The following GATA4 variants were observed in gnomAD, a reference collection of about 807,000 sequenced individuals.
GATA4 encodes GATA binding protein 4.
Under a neutral mutation model 37.9 loss-of-function variants are expected in GATA4, and 7 were observed. The observed-to-expected ratio is 0.18, with a 90% CI of 0.11 to 0.35. The LOEUF is 0.35. Among genes scored for constraint, GATA4 ranks in the 10% least tolerant of loss-of-function variants. GATA4 has a pLI of 1.00. For synonymous variants in GATA4, 372 were observed against 292.6 expected, an observed-to-expected ratio of 1.27 and a Z score of -2.77; for missense variants, 647 against 653.0, an observed-to-expected ratio of 0.99 and a Z score of 0.10.
At chr8:11,726,160 G>A (rs1216836025) in intron 2 of GATA4, among the ~76,000 whole-genome samples, 3 of 152,198 alleles carry the variant, frequency 2.0e-5, no homozygotes, top group South Asian at 2.1e-4. Flanking sequence ...GAAGCATTTG[G>A]CAGCTTTGGC....
chr8:11,758,492 C>T lies in GATA4; in HGVS notation c.*17C>T, dbSNP rs1433759618. 8 of 1,613,738 alleles carry T rather than the reference C, an allele frequency of 5.0e-6. No homozygotes were observed. The highest frequency in any genetic ancestry group is 2.7e-5 in the African/African-American group (2 of 75,042). On this transcript the variant is annotated 3_prime_UTR_variant, in exon 7 of 7. Coordinates refer to ENST00000532059, the MANE Select transcript of GATA4 (RefSeq NM_001308093.3). ...ACTGCGTAATCTTCCCTCTTCCCTC[C>T]TCAAATTCCTGCACGGACCTGGGAC...
chr8:11,694,691 C>A, intron 1 of GATA4: 1 of 199,468 alleles, frequency 5.0e-6, no homozygotes, highest in Non-Finnish European at 9.0e-6. Flanking sequence ...ATTTTAAATT[C>A]AAATTCAAAT....
chr8:11,692,113 C>T (rs184503938), upstream of GATA4: 22 of 880,274 alleles, frequency 2.5e-5, no homozygotes, highest in Admixed American at 1.1e-3. Flanking sequence ...CAGGCAGGAG[C>T]TCGGGCCACC....
chr8:11,695,072 G>A (rs956908703), intron 1 of GATA4, among the ~76,000 whole-genome samples: 6 of 152,152 alleles, frequency 3.9e-5, no homozygotes, highest in Admixed American at 2.0e-4. Flanking sequence ...TGTGAACATC[G>A]TGACCTGCAA....
chr8:11,750,223 T>A lies in GATA4; in HGVS notation c.899T>A (p.Met300Lys), dbSNP rs1421838861. ...EPVCNACGLY[M>K]KLHGVPRPLA... ...GTGTGCAATGCCTGCGGCCTCTACA[T>A]GAAGCTCCACGGGGTACGTGGGTCC... Residue 300 changes from methionine to lysine, a missense_variant, in exon 4 of 7, where the codon ATG (methionine) becomes AAG (lysine). Met to Lys is a moderately conservative substitution (Grantham distance 95). Around this residue, in one of 5 missense-constraint regions of GATA4, gnomAD observed 21 missense variants for 62.6 expected, o/e 0.34. Coordinates refer to ENST00000532059, the MANE Select transcript of GATA4 (RefSeq NM_001308093.3). The A allele has an allele frequency of 6.2e-7, 1 of 1,613,110 alleles. No homozygotes were observed. The highest frequency in any genetic ancestry group is 8.5e-7 in the Non-Finnish European group (1 of 1,180,050).
chr8:11,752,664 T>C (rs1369933337), intron 4 of GATA4, among the ~76,000 whole-genome samples: 2 of 152,238 alleles, frequency 1.3e-5, no homozygotes, highest in Non-Finnish European at 2.9e-5. Flanking sequence ...TTTGAGAATT[T>C]TTTTAAATGT....
At chr8:11,753,079 C>T (rs1465007356) in intron 4 of GATA4, among the ~76,000 whole-genome samples, 1 of 152,188 alleles carries the variant, frequency 6.6e-6, no homozygotes, top group Non-Finnish European at 1.5e-5. Context: ...TAATTAAAGG[C>T]AGGGCCTCAA....
At chr8:11,692,983 A>G in intron 1 of GATA4, 2 of 985,284 alleles carry the variant, frequency 2.0e-6, no homozygotes, top group Non-Finnish European at 2.4e-6. Flanking sequence ...GCGGCCATCC[A>G]TCACCCGGGC....
At chr8:11,720,079 G>A (rs779068769) in intron 2 of GATA4, among the ~76,000 whole-genome samples, 9 of 151,782 alleles carry the variant, frequency 5.9e-5, no homozygotes, top group African/African-American at 9.7e-5. Context: ...TTGGTCTGGC[G>A]CGGAGAAACC....
chr8:11,716,647 G>T lies in GATA4; in HGVS notation c.616+7719G>T, dbSNP rs116181799. On this transcript the variant is annotated intron_variant, in intron 2 of 6. Coordinates refer to ENST00000532059, the MANE Select transcript of GATA4 (RefSeq NM_001308093.3). ...CCACACTACTGTGGCTTCCCCACTT[G>T]TGGGCACAAACAGTCACGTACTAGG... is the stretch of plus-strand genomic sequence containing the variant. Among the ~76,000 whole-genome samples, 740 of 152,322 alleles carry T rather than the reference G, an allele frequency of 4.9e-3. 9 individuals are homozygous for T. Among genetic ancestry groups the T allele is most frequent in the African/African-American group, 0.017 (712 of 41,568 alleles).
At chr8:11,724,345 C>T (rs949938826) in intron 2 of GATA4, among the ~76,000 whole-genome samples, 1 of 152,014 alleles carries the variant, frequency 6.6e-6, no homozygotes, top group Admixed American at 6.6e-5. Context: ...AGCGGCATTG[C>T]TGGATCCTAG....
chr8:11,749,957 T>G lies in GATA4; in HGVS notation c.787-154T>G, dbSNP rs1378640079. Among the ~76,000 whole-genome samples the G allele has an allele frequency of 1.3e-5, 2 of 152,072 alleles. No individual in the cohort carries two copies. Among genetic ancestry groups the G allele is most frequent in the Non-Finnish European group, 2.9e-5 (2 of 67,984 alleles). On this transcript the variant is annotated intron_variant, in intron 3 of 6. Coordinates refer to ENST00000532059, the MANE Select transcript of GATA4 (RefSeq NM_001308093.3). The surrounding 1 kb of genome is among the most constrained non-coding windows in gnomAD (Gnocchi z 4.6). ...CGCAGTGGCGCAGGTGACAGGAGAG[T>G]TAGGTGCCGTCACAGGTCAGAGATC... is the stretch of plus-strand genomic sequence containing the variant.
At chr8:11,710,524 C>CAAA (rs773444142) in intron 2 of GATA4, among the ~76,000 whole-genome samples, 4 of 115,210 alleles carry the variant, frequency 3.5e-5, no homozygotes, top group African/African-American at 9.6e-5. Context: ...TACTAAAATA[C>CAAA]AAAAAAAAAA....
intron 1 of GATA4, among the ~76,000 whole-genome samples, chr8:11,684,088 G>A (rs930782846): frequency 6.6e-6 from 1 of 152,232 alleles, no homozygotes; most frequent in African/African-American, 2.4e-5. Context: ...CACGACCTGG[G>A]CTGTGCCATG....
chr8:11,717,438 G>A (rs1585616551), intron 2 of GATA4, among the ~76,000 whole-genome samples: 1 of 152,136 alleles, frequency 6.6e-6, no homozygotes, highest in Admixed American at 6.5e-5. Flanking sequence ...AGGTAGATAC[G>A]ATGATCTCTG....
intron 1 of GATA4, chr8:11,681,529 GA>G (rs1281869793): frequency 6.6e-6 from 6 of 905,180 alleles, no homozygotes; most frequent in African/African-American, 1.8e-5. Flanking sequence ...TCCCTCTCGG[GA>G]ACGGCTGCTG....
At chr8:11,682,410 T>C (rs1489428617) in intron 1 of GATA4, among the ~76,000 whole-genome samples, 1 of 152,238 alleles carries the variant, frequency 6.6e-6, no homozygotes, top group Non-Finnish European at 1.5e-5. Context: ...GTCTTTTTTG[T>C]AGATAAATAA....
At chr8:11,700,829 C>G (rs1799650879), upstream of GATA4, 1 of 152,214 alleles carries the variant, frequency 6.6e-6, no homozygotes, top group African/African-American at 2.4e-5. Flanking sequence ...CTCTGGCGAC[C>G]TTGGTGGCGC....
intron 2 of GATA4, among the ~76,000 whole-genome samples, chr8:11,742,594 A>C (rs565137162): frequency 7.2e-5 from 11 of 152,172 alleles, no homozygotes; most frequent in African/African-American, 2.7e-4. Flanking sequence ...GCCTCTGTTC[A>C]GCAGCTGCAG....
Sources: gnomAD v4.1 joint callset for allele counts (sites outside exome capture counted in the v4.1 genomes callset) on GRCh38, gnomAD v4.1.1 for gene constraint, gnomAD v4.1.1 regional missense constraint, Gnocchi (gnomAD v3.1) non-coding constraint, MANE v1.5 for transcripts, NCBI Gene and HGNC (gene_info 2026-07-23, HGNC 2026-07-21) for gene names.